The following ZFHX4 variants were observed in gnomAD, a reference collection of about 807,000 sequenced individuals.
ZFHX4 encodes zinc finger homeobox 4.
A neutral mutation model predicts 267.6 loss-of-function variants in ZFHX4; 56 were observed. The observed-to-expected ratio is 0.21, with a 90% CI of 0.17 to 0.26. The LOEUF (loss-of-function observed/expected upper bound fraction) is 0.26, where lower values mean the gene tolerates loss of function less well. Among genes scored for constraint, ZFHX4 ranks in the 10% least tolerant of loss-of-function variants. The pLI is 1.00. For missense variants in ZFHX4, 4,332 were observed against 4,420.0 expected (o/e 0.98, Z 0.56); for synonymous variants, 1,778 against 1,665.6 (o/e 1.07, Z -1.64).
At chr8:76,682,463 G>A (rs1399935112) in intron 1 of ZFHX4, 1 of 152,476 alleles carries the variant, frequency 6.6e-6, no homozygotes, top group Non-Finnish European at 1.5e-5. Flanking sequence ...GCACTACCGA[G>A]GGCTGCTCTC....
At chr8:76,788,308 T>A (rs908327198) in intron 4 of ZFHX4, among the ~76,000 whole-genome samples, 2 of 152,234 alleles carry the variant, frequency 1.3e-5, no homozygotes, top group African/African-American at 4.8e-5. Context: ...TTTTATAGGC[T>A]AGCATTTATT....
chr8:76,844,624 C>T (rs904563212), intron 6 of ZFHX4, among the ~76,000 whole-genome samples: 5 of 152,032 alleles, frequency 3.3e-5, no homozygotes, highest in Non-Finnish European at 5.9e-5. Flanking sequence ...CCTTGGGCAC[C>T]TAATTGTACC....
At chr8:76,772,704 C>A (rs1181972193) in intron 3 of ZFHX4, among the ~76,000 whole-genome samples, 1 of 152,136 alleles carries the variant, frequency 6.6e-6, no homozygotes, top group Non-Finnish European at 1.5e-5. Flanking sequence ...TTGGTGACTT[C>A]CCACATCATT....
chr8:76,720,304 A>T (rs771524274), intron 3 of ZFHX4, among the ~76,000 whole-genome samples: 2 of 152,142 alleles, frequency 1.3e-5, no homozygotes, highest in Non-Finnish European at 2.9e-5. Context: ...TTCACTTAGC[A>T]TAATGTTTTT....
intron 4 of ZFHX4, among the ~76,000 whole-genome samples, chr8:76,789,919 T>C (rs1810790276): frequency 6.6e-6 from 1 of 152,144 alleles, no homozygotes; most frequent in African/African-American, 2.4e-5. Flanking sequence ...TAAATAACTA[T>C]TTGGATTTCA....
chr8:76,817,317 G>A (rs977414979), intron 4 of ZFHX4, among the ~76,000 whole-genome samples: 3 of 151,978 alleles, frequency 2.0e-5, no homozygotes, highest in African/African-American at 4.8e-5. Context: ...TCAAAGCAGC[G>A]TTTTCACACT....
At chr8:76,789,796 T>C (rs1463992336) in intron 4 of ZFHX4, among the ~76,000 whole-genome samples, 2 of 152,164 alleles carry the variant, frequency 1.3e-5, no homozygotes, top group African/African-American at 4.8e-5. Context: ...TTCATTAGTG[T>C]CTTTGTAGCC....
rs773978390 is a variant in ZFHX4 at position 76,849,548 on chromosome 8, G to A, written c.3682G>A (p.Asp1228Asn). ...QCPYCNYNSRDQSRIQMHVLS... is the reference protein window; with the variant it reads ...QCPYCNYNSRNQSRIQMHVLS... ...TCCTTATTGTAACTACAATAGTAGG[G>A]ACCAAAGTCGTATCCAGATGCACGT... The change falls in exon 8 of 11, where the codon GAC becomes AAC. Residue 1228 changes from aspartate to asparagine, a missense_variant. This residue lies in a region of ZFHX4 where 1,371 missense variants were observed against 1,423.1 expected (regional missense o/e 0.96). Coordinates refer to ENST00000651372, the MANE Select transcript of ZFHX4 (RefSeq NM_024721.5). 74 of 1,613,760 alleles carry A rather than the reference G, an allele frequency of 4.6e-5. No individual in the cohort carries two copies. The highest frequency in any genetic ancestry group is 5.8e-5 in the Non-Finnish European group (69 of 1,179,852).
chr8:76,770,532 A>G (rs1198842349), intron 3 of ZFHX4, among the ~76,000 whole-genome samples: 1 of 152,116 alleles, frequency 6.6e-6, no homozygotes, highest in East Asian at 1.9e-4. Context: ...GACATTATTT[A>G]GGAATTGGAG....
chr8:76,796,334 A>G (rs1810978983), intron 4 of ZFHX4, among the ~76,000 whole-genome samples: 1 of 152,220 alleles, frequency 6.6e-6, no homozygotes, highest in Non-Finnish European at 1.5e-5. Context: ...TAGAATATGT[A>G]GAGATAGATG....
intron 5 of ZFHX4, among the ~76,000 whole-genome samples, chr8:76,840,031 C>A (rs1053997790): frequency 2.0e-5 from 3 of 151,948 alleles, no homozygotes; most frequent in African/African-American, 7.3e-5. Context: ...GTATAAGTTA[C>A]CTTTTGATTA....
chr8:76,806,035 G>T (rs976379845), intron 4 of ZFHX4, among the ~76,000 whole-genome samples: 3 of 152,004 alleles, frequency 2.0e-5, no homozygotes, highest in Non-Finnish European at 4.4e-5. Context: ...CAAGATAAGA[G>T]AATTTCAGAA....
At position 76,706,031 on chromosome 8, in the gene ZFHX4, A is replaced by G; in HGVS notation, c.1943A>G (p.Lys648Arg). 1 of 1,613,492 alleles carries G rather than the reference A, an allele frequency of 6.2e-7. No individual in the cohort carries two copies. The highest frequency in any genetic ancestry group is 8.5e-7 in the Non-Finnish European group (1 of 1,179,804). Reference sequence around the variant, plus strand: ...TCATGCAAAACCCTCAAATGTCCTAAATGTAACTGGCACTACAAATATCAG... The same window carrying G: ...TCATGCAAAACCCTCAAATGTCCTAGATGTAACTGGCACTACAAATATCAG... ...RNSCKTLKCP[K>R]CNWHYKYQQT... The change falls in exon 2 of 11, where the codon AAA becomes AGA. Residue 648 changes from lysine to arginine, a missense_variant. By Grantham distance (26) the Lys-to-Arg change is conservative (BLOSUM62 2). Transcript: ENST00000651372.
chr8:76,743,819 G>C (rs569314355), intron 3 of ZFHX4, among the ~76,000 whole-genome samples: 1 of 152,156 alleles, frequency 6.6e-6, no homozygotes. Context: ...AACTTCCAAA[G>C]GCCAAGCCTA....
Position 76,864,398 on chromosome 8 carries a change from T to G in ZFHX4, c.10684T>G (p.Ser3562Ala), listed in dbSNP as rs913506642. Residue 3562 changes from serine (S) to alanine (A), a missense_variant, in exon 11 of 11, where the codon TCA becomes GCA. Ser to Ala is a moderately conservative substitution (Grantham distance 99, BLOSUM62 1). Coordinates refer to ENST00000651372, the MANE Select transcript of ZFHX4 (RefSeq NM_024721.5). ...STVTSSLCST[S>A]GVQTSLPTES... is the part of the protein sequence containing the mutation. ...GGTTACCTCAAGTTTGTGCAGCACC[T>G]CAGGGGTTCAAACCTCACTACCCAC... The G allele has an allele frequency of 1.2e-6, 2 of 1,613,684 alleles. No homozygotes were observed. Among genetic ancestry groups the G allele is most frequent in the Non-Finnish European group, 1.7e-6 (2 of 1,179,870 alleles).
At position 76,849,577 on chromosome 8, in the gene ZFHX4, A is replaced by G. The variant is rs1812456360; in HGVS notation, c.3711A>G (p.Leu1237=). The G allele has an allele frequency of 3.1e-6, 5 of 1,613,876 alleles. No individual in the cohort carries two copies. The African/African-American group carries it at 5.3e-5, about 17-fold the overall frequency. The change falls in exon 8 of 11, where the codon CTA becomes CTG. Residue 1237 remains leucine, a synonymous_variant. Coordinates refer to ENST00000651372, the MANE Select transcript of ZFHX4 (RefSeq NM_024721.5). Reference sequence around the variant, plus strand: ...AAAGTCGTATCCAGATGCACGTCCTATCACAGCACTCGGTGCAGCCGGTCA... The same window carrying G: ...AAAGTCGTATCCAGATGCACGTCCTGTCACAGCACTCGGTGCAGCCGGTCA... The part of the protein sequence containing the change: ...RDQSRIQMHV[L]SQHSVQPVIC...
intron 4 of ZFHX4, among the ~76,000 whole-genome samples, chr8:76,789,619 A>C (rs903688051): frequency 4.6e-5 from 7 of 152,176 alleles, no homozygotes; most frequent in Admixed American, 2.6e-4. Flanking sequence ...TAGTTTATTC[A>C]TCTCCATTAA....
Position 76,704,970 on chromosome 8 carries a change from A to C in ZFHX4, c.882A>C (p.Val294=). Residue 294 remains valine (V), a synonymous_variant, in exon 2 of 11, where the codon GTA becomes GTC. Coordinates refer to ENST00000651372, the MANE Select transcript of ZFHX4 (RefSeq NM_024721.5). ...KLSFGYIRSF[V]THAVHDHRMT... Reference sequence around the variant, plus strand: ...CTTTTGGTTATATCAGGTCATTTGTAACCCATGCTGTGCATGATCATCGGA... The same window carrying C: ...CTTTTGGTTATATCAGGTCATTTGTCACCCATGCTGTGCATGATCATCGGA... 6.2e-7 allele frequency: 1 copy of C among 1,614,034 alleles called. No homozygotes were observed. The highest frequency in any genetic ancestry group is 1.3e-5 in the African/African-American group (1 of 75,068).
At position 76,866,131 on chromosome 8, in the gene ZFHX4, G is replaced by A. The variant is rs555078656; in HGVS notation, c.*1566G>A. The A allele has an allele frequency of 6.6e-6, 1 of 152,576 alleles. No individual in the cohort carries two copies. Among genetic ancestry groups the A allele is most frequent in the South Asian group, 2.1e-4 (1 of 4,830 alleles). 9.5% of individuals were successfully genotyped at this position (152,576 alleles called of 1,614,324 possible). On this transcript the variant is annotated 3_prime_UTR_variant, in exon 11 of 11. Coordinates refer to ENST00000651372, the MANE Select transcript of ZFHX4 (RefSeq NM_024721.5). ...TGTGATTCATTCCAAAGTAACAGAAGGTTATTTGTAAGAAAGTTAAAGGCT... is the reference window on the plus strand; with the variant it reads ...TGTGATTCATTCCAAAGTAACAGAAAGTTATTTGTAAGAAAGTTAAAGGCT...
Sources: allele counts gnomAD v4.1 joint callset (sites outside exome capture counted in the v4.1 genomes callset), GRCh38; gene constraint gnomAD v4.1.1; regional missense constraint gnomAD v4.1.1; transcripts MANE v1.5; gene names NCBI Gene and HGNC (gene_info 2026-07-23, HGNC 2026-07-21).